Variants in MAPKAPK3 observed in about 807,000 individuals in gnomAD.
The protein encoded by MAPKAPK3 is MAPK activated protein kinase 3.
Under a neutral mutation model 49.2 loss-of-function variants are expected in MAPKAPK3, and 35 were observed. That is an observed-to-expected ratio of 0.71 (90% CI 0.54 to 0.94). The LOEUF (loss-of-function observed/expected upper bound fraction) is 0.94. Ranked by LOEUF, MAPKAPK3 falls within the 40% of genes least tolerant of loss-of-function variation. The probability of loss-of-function intolerance (pLI) is 0.00; values close to 1 mark genes in which losing one functional copy is unlikely to be tolerated. For missense variants in MAPKAPK3, 398 were observed against 493.1 expected (o/e 0.81, Z 1.83); for synonymous variants, 178 against 188.7 (o/e 0.94, Z 0.46).
At chr3:50,629,251 T>G (rs1238183512) in intron 2 of MAPKAPK3, among the ~76,000 whole-genome samples, 1 of 152,166 alleles carries the variant, frequency 6.6e-6, no homozygotes, top group South Asian at 2.1e-4. Context: ...TCCTGTGACC[T>G]GCTGAATTGG....
chr3:50,636,476 AG>A (rs1252387159), intron 2 of MAPKAPK3, among the ~76,000 whole-genome samples: 1 of 152,252 alleles, frequency 6.6e-6, no homozygotes, highest in East Asian at 1.9e-4. Flanking sequence ...AGTGCTGCAC[AG>A]GAAGTGAAAA....
intron 5 of MAPKAPK3, among the ~76,000 whole-genome samples, chr3:50,643,242 G>A (rs1396817294): frequency 6.6e-6 from 1 of 152,190 alleles, no homozygotes; most frequent in Admixed American, 6.5e-5. Context: ...CATTTGCTGA[G>A]CCCTGGAGGA....
intron 2 of MAPKAPK3, among the ~76,000 whole-genome samples, chr3:50,627,926 G>C (rs1253197326): frequency 6.6e-6 from 1 of 152,152 alleles, no homozygotes; most frequent in Non-Finnish European, 1.5e-5. Flanking sequence ...ACTCACCCAG[G>C]CCTGTGTGGG....
At chr3:50,641,611 G>A in intron 3 of MAPKAPK3, 96 bp from the exon 4 acceptor site, 1 of 957,826 alleles carries the variant, frequency 1.0e-6, no homozygotes, top group Non-Finnish European at 1.7e-6. Context: ...GAGCGGAGCA[G>A]CAGGGTCTGA....
At chr3:50,633,443 C>T (rs1270897974) in intron 2 of MAPKAPK3, among the ~76,000 whole-genome samples, 1 of 152,044 alleles carries the variant, frequency 6.6e-6, no homozygotes, top group Non-Finnish European at 1.5e-5. Flanking sequence ...CACACACACA[C>T]CCACATGCCC....
rs1162492428 is a variant in MAPKAPK3, at chr3:50,646,375, C to T, written c.829+111C>T. The T allele has an allele frequency of 3.4e-6, 5 of 1,473,696 alleles. No individual in the cohort carries two copies. In the Admixed American group the frequency reaches 5.7e-5, roughly 17 times the overall value. The allele number at this position is 1,473,696 out of a possible 1,614,324, so 91.3% of individuals were successfully genotyped here. On this transcript the variant is annotated intron_variant, in intron 8 of 10. Transcript: ENST00000621469. The stretch of plus-strand genomic sequence containing the variant: ...CTGTGTTCAAATCTTGGCTCCCCCT[C>T]TTTCCAGCTATGGGACCCTAGGCAA...
At chr3:50,621,595 C>T (rs1333601291) in intron 2 of MAPKAPK3, among the ~76,000 whole-genome samples, 1 of 113,316 alleles carries the variant, frequency 8.8e-6, no homozygotes, top group Non-Finnish European at 1.7e-5. Context: ...GAGGCTGTGT[C>T]TCAAAAAAAA....
At position 50,640,363 on chromosome 3, in the gene MAPKAPK3, C is replaced by A; in HGVS notation, c.220-3C>A. 1 of 1,612,598 alleles carries A rather than the reference C, an allele frequency of 6.2e-7. No individual in the cohort carries two copies. Among genetic ancestry groups the A allele is most frequent in the Non-Finnish European group, 8.5e-7 (1 of 1,179,106 alleles). The stretch of plus-strand genomic sequence containing the variant: ...GACACTTTCTATGTGCACCCACCTA[C>A]AGCTCCTGTATGACAGCCCCAAGGC... On this transcript the variant is annotated splice_region_variant and splice_polypyrimidine_tract_variant and intron_variant, in intron 2 of 10. Transcript: ENST00000621469.
chr3:50,642,356 G>A (rs1409113897), intron 5 of MAPKAPK3, 24 bp downstream of exon 5: 2 of 1,588,084 alleles, frequency 1.3e-6, no homozygotes, highest in Non-Finnish European at 1.7e-6. Context: ...ATTCAGGTTG[G>A]GGGCCCGGGG....
intron 2 of MAPKAPK3, among the ~76,000 whole-genome samples, chr3:50,625,943 G>A (rs1395496790): frequency 6.6e-6 from 1 of 152,072 alleles, no homozygotes. Flanking sequence ...AAGGAAGGAG[G>A]AGTGAGTGCT....
At chr3:50,645,573 A>G in intron 6 of MAPKAPK3, 137 bp from the exon 7 acceptor site, 1 of 642,024 alleles carries the variant, frequency 1.6e-6, no homozygotes, top group Non-Finnish European at 2.8e-6. Context: ...GCCTTTCCAA[A>G]AGGTGCCAGA....
upstream of MAPKAPK3, among the ~76,000 whole-genome samples, chr3:50,613,156 AGG>A (rs2032379240): frequency 6.8e-6 from 1 of 147,138 alleles, no homozygotes; most frequent in African/African-American, 2.5e-5. Flanking sequence ...GTGTGCCCCC[AGG>A]GTCCCCAGAA....
In MAPKAPK3 at chr3:50,640,371, G is replaced by A. The variant is rs767380329; in HGVS notation, c.225G>A (p.Leu75=). The change falls in exon 3 of 11, where the codon CTG becomes CTA. Residue 75 remains leucine, a synonymous_variant. Transcript: ENST00000621469. ...RTGQKCALKL[L]YDSPKARQEV... is the part of the protein sequence containing the mutation. Reference sequence around the variant, plus strand: ...CTATGTGCACCCACCTACAGCTCCTGTATGACAGCCCCAAGGCCCGGCAGG... The same window carrying A: ...CTATGTGCACCCACCTACAGCTCCTATATGACAGCCCCAAGGCCCGGCAGG... 7 of 1,613,470 alleles carry A rather than the reference G, an allele frequency of 4.3e-6. No individual in the cohort carries two copies. In the South Asian group the frequency reaches 5.5e-5, roughly 13 times the overall value.
chr3:50,640,658 C>T (rs1172478913), intron 3 of MAPKAPK3, among the ~76,000 whole-genome samples, 153 bp downstream of exon 3: 1 of 152,180 alleles, frequency 6.6e-6, no homozygotes, highest in Non-Finnish European at 1.5e-5. Context: ...AGCCGCAGGC[C>T]CTGCCTGTGG....
Position 50,641,697 on chromosome 3 carries a change from TC to T in MAPKAPK3, c.360-9del, listed in dbSNP as rs1272138048. On this transcript the variant is annotated splice_polypyrimidine_tract_variant and intron_variant, in intron 3 of 10. Transcript: ENST00000621469. ...TTCCCCCTCTCTGCTTATAGTCACC[TC>T]TTTTACAGCATGGAAGGTGGTGAGT... The T allele has an allele frequency of 1.2e-6, 2 of 1,613,116 alleles. No homozygotes were observed. Among genetic ancestry groups the T allele is most frequent in the African/African-American group, 2.7e-5 (2 of 74,872 alleles).
chr3:50,640,335 C>A (rs761986282), intron 2 of MAPKAPK3, 31 bp from the exon 3 acceptor site: 2 of 1,602,020 alleles, frequency 1.2e-6, no homozygotes, highest in South Asian at 1.1e-5. Flanking sequence ...GGGCTCTGAG[C>A]CTGACACTTT....
upstream of MAPKAPK3, chr3:50,612,167 G>A (rs985100064): frequency 6.5e-6 from 1 of 154,402 alleles, no homozygotes; most frequent in Non-Finnish European, 1.4e-5. Flanking sequence ...GGTCGGGGAA[G>A]TTAAGGAGGG....
At chr3:50,627,468 A>T (rs1350282941) in intron 2 of MAPKAPK3, among the ~76,000 whole-genome samples, 1 of 152,184 alleles carries the variant, frequency 6.6e-6, no homozygotes, top group East Asian at 1.9e-4. Flanking sequence ...CAAGGGCTAT[A>T]TTCTGCCAGG....
Position 50,640,492 on chromosome 3 carries a change from A to G in MAPKAPK3, c.346A>G (p.Ile116Val), listed in dbSNP as rs1260815780. 4 of 1,611,664 alleles carry G rather than the reference A, an allele frequency of 2.5e-6. No individual in the cohort carries two copies. The highest frequency in any genetic ancestry group is 3.4e-6 in the Non-Finnish European group (4 of 1,178,310). The change falls in exon 3 of 11, where the codon ATC becomes GTC. Residue 116 changes from isoleucine to valine, a missense_variant. Ile to Val is a conservative substitution (Grantham distance 29). This residue lies in a region of MAPKAPK3 where 52 missense variants were observed against 91.9 expected (regional missense o/e 0.57). Coordinates refer to ENST00000621469, the MANE Select transcript of MAPKAPK3 (RefSeq NM_001243925.2). Reference sequence around the variant, plus strand: ...GCACCATGGCAAGCGCTGTCTCCTCATCATCATGGAATGGTATGCTGGCCT... The same window carrying G: ...GCACCATGGCAAGCGCTGTCTCCTCGTCATCATGGAATGGTATGCTGGCCT... ...NMHHGKRCLL[I>V]IMECMEGGEL...
Sources: gnomAD v4.1 joint callset for allele counts (sites outside exome capture counted in the v4.1 genomes callset) on GRCh38, gnomAD v4.1.1 for gene constraint, gnomAD v4.1.1 regional missense constraint, MANE v1.5 for transcripts, NCBI Gene and HGNC (gene_info 2026-07-23, HGNC 2026-07-21) for gene names.